The following FGF5 variants were observed in gnomAD, a reference collection of about 807,000 sequenced individuals.
The protein encoded by FGF5 is fibroblast growth factor 5.
Under a neutral mutation model 21.8 loss-of-function variants are expected in FGF5, and 23 were observed. That is an observed-to-expected ratio of 1.05 (90% confidence interval 0.76 to 1.49). The LOEUF (loss-of-function observed/expected upper bound fraction) is 1.49, where lower values mean the gene tolerates loss of function less well. Ranked by LOEUF, FGF5 falls within the 40% of genes most tolerant of loss-of-function variation. The pLI is 0.00. For missense variants in FGF5, 352 were observed against 332.9 expected (o/e 1.06, Z -0.45); for synonymous variants, 158 against 124.0 (o/e 1.27, Z -1.82).
intron 2 of FGF5, among the ~76,000 whole-genome samples, chr4:80,280,939 T>C (rs1461400569): frequency 6.6e-6 from 1 of 152,160 alleles, no homozygotes; most frequent in Non-Finnish European, 1.5e-5. Context: ...CTGAGTAATT[T>C]GAAGGCAAAT....
At chr4:80,277,371 C>A (rs969230290) in intron 2 of FGF5, among the ~76,000 whole-genome samples, 1 of 152,056 alleles carries the variant, frequency 6.6e-6, no homozygotes, top group African/African-American at 2.4e-5. Flanking sequence ...TATGTGGATT[C>A]TTTTTAAACC....
chr4:80,268,809 G>A (rs1720189345), intron 1 of FGF5, among the ~76,000 whole-genome samples: 1 of 152,214 alleles, frequency 6.6e-6, no homozygotes, highest in African/African-American at 2.4e-5. Context: ...TCACACTCCC[G>A]AGAGGAATCT....
chr4:80,288,011 T>G lies in FGF5; in HGVS notation c.*1339T>G, dbSNP rs948484947. 1 of 152,114 alleles carries G rather than the reference T, an allele frequency of 6.6e-6. No individual in the cohort carries two copies. Among genetic ancestry groups the G allele is most frequent in the African/African-American group, 2.4e-5 (1 of 41,428 alleles). The allele number at this position is 152,114 out of a possible 1,614,324, so 9.4% of individuals were successfully genotyped here. The stretch of plus-strand genomic sequence containing the variant: ...CACAGAAAATTTAACTTAAGAAAAT[T>G]TACAAAATTTATTCTCAGGTAATCA... On this transcript the variant is annotated 3_prime_UTR_variant, in exon 3 of 3. Transcript: ENST00000312465.
intron 2 of FGF5, among the ~76,000 whole-genome samples, chr4:80,279,844 T>C (rs946926775): frequency 1.3e-5 from 2 of 152,200 alleles, no homozygotes; most frequent in African/African-American, 4.8e-5. Context: ...TTTTAGGGGA[T>C]CATGTTTGAA....
At chr4:80,275,185 A>G (rs1720377525) in intron 2 of FGF5, among the ~76,000 whole-genome samples, 173 bp downstream of exon 2, 1 of 152,038 alleles carries the variant, frequency 6.6e-6, no homozygotes, top group Non-Finnish European at 1.5e-5. Flanking sequence ...GTAATAATTT[A>G]AATATTTAAT....
intron 1 of FGF5, among the ~76,000 whole-genome samples, chr4:80,267,502 C>T (rs1032469177): frequency 6.6e-6 from 1 of 152,128 alleles, no homozygotes; most frequent in African/African-American, 2.4e-5. Context: ...ACAAAAAACT[C>T]ATTTCTTCTC....
chr4:80,279,761 A>G (rs986923238), intron 2 of FGF5, among the ~76,000 whole-genome samples: 4 of 152,222 alleles, frequency 2.6e-5, no homozygotes, highest in African/African-American at 9.6e-5. Context: ...ATTGCTAATT[A>G]GGGAAAAACA....
chr4:80,271,616 A>G (rs759943171), intron 1 of FGF5, among the ~76,000 whole-genome samples: 1 of 152,160 alleles, frequency 6.6e-6, no homozygotes, highest in Non-Finnish European at 1.5e-5. Flanking sequence ...TGTCCTGACA[A>G]GAGAAAAGAG....
In FGF5 at chr4:80,266,870, C is replaced by T; in HGVS notation, c.46C>T (p.Leu16Phe). 6.2e-7 allele frequency: 1 copy of T among 1,610,676 alleles called. No homozygotes were observed. The highest frequency in any genetic ancestry group is 8.5e-7 in the Non-Finnish European group (1 of 1,178,568). The change falls in exon 1 of 3, where the codon CTC becomes TTC. Residue 16 changes from leucine to phenylalanine, a missense_variant. Coordinates refer to ENST00000312465, the MANE Select transcript of FGF5 (RefSeq NM_004464.4). ...LLLLFFSHLILSAWAHGEKRL... is the reference protein window; with the variant it reads ...LLLLFFSHLIFSAWAHGEKRL... ...CCTCCTCTTCTTCAGCCACCTGATC[C>T]TCAGCGCCTGGGCTCACGGGGAGAA...
At chr4:80,267,733 G>GTAGATAGATAGATAGA (rs3839148) in intron 1 of FGF5, among the ~76,000 whole-genome samples, 2,276 of 151,058 alleles carry the variant, frequency 0.015, 31 homozygotes, top group African/African-American at 0.031. Context: ...ATACACATAG[G>GTAGATAGATAGATAGA]TAGATAGATA....
At position 80,273,825 on chromosome 4, in the gene FGF5, G is replaced by A. The variant is rs535904944; in HGVS notation, c.356-1084G>A. Among the ~76,000 whole-genome samples, 8 of 152,132 alleles carry A rather than the reference G, an allele frequency of 5.3e-5. No individual in the cohort carries two copies. The East Asian group carries it at 1.2e-3, about 22-fold the overall frequency. On this transcript the variant is annotated intron_variant, in intron 1 of 2. Coordinates refer to ENST00000312465, the MANE Select transcript of FGF5 (RefSeq NM_004464.4). ...CTTCCAAAGTGCTGGAATTACAGGC[G>A]TGAGCTACTGCACCTGGCTTCCCTT...
rs1207241764 is a variant in FGF5, at chr4:80,288,339, A to G, written c.*1667A>G. 6.6e-6 allele frequency: 1 copy of G among 152,176 alleles called. No homozygotes were observed. 9.4% of individuals were successfully genotyped at this position (152,176 alleles called of 1,614,324 possible). ...CACACATATATATAACAAATAATAT[A>G]TTAAAAAACCCATCCATCAACTAAA... is the stretch of plus-strand genomic sequence containing the variant. On this transcript the variant is annotated 3_prime_UTR_variant, in exon 3 of 3. Transcript: ENST00000312465.
At chr4:80,279,075 G>C (rs563199728) in intron 2 of FGF5, among the ~76,000 whole-genome samples, 1 of 152,282 alleles carries the variant, frequency 6.6e-6, no homozygotes, top group South Asian at 2.1e-4. Context: ...CTTACTGAAA[G>C]TCCCCTAGAG....
Position 80,287,795 on chromosome 4 carries a change from CTCAG to C in FGF5, c.*1127_*1130del, listed in dbSNP as rs1403723863. 6.6e-6 allele frequency: 1 copy of C among 152,112 alleles called. No individual in the cohort carries two copies. The highest frequency in any genetic ancestry group is 1.5e-5 in the Non-Finnish European group (1 of 68,012). The allele number at this position is 152,112 out of a possible 1,614,324, so 9.4% of individuals were successfully genotyped here. A position where few individuals can be genotyped will look rare whatever the true frequency, so the allele number is the denominator to read the frequency against. ...CCCATTGTCAGAAATATTCTTATTA[CTCAG>C]TCAAACACTCTTTGAGCTTCCCTTC... On this transcript the variant is annotated 3_prime_UTR_variant, in exon 3 of 3. Coordinates refer to ENST00000312465, the MANE Select transcript of FGF5 (RefSeq NM_004464.4).
rs1019042188 is a variant in FGF5, at chr4:80,287,535, G to A, written c.*863G>A. ...ACACTAAGTTTGCAACATTTATTGAGATCTAAGTCTGTCTTGCCTTCATTT... is the reference window on the plus strand; with the variant it reads ...ACACTAAGTTTGCAACATTTATTGAAATCTAAGTCTGTCTTGCCTTCATTT... On this transcript the variant is annotated 3_prime_UTR_variant, in exon 3 of 3. Coordinates refer to ENST00000312465, the MANE Select transcript of FGF5 (RefSeq NM_004464.4). 6.6e-6 allele frequency: 1 copy of A among 152,142 alleles called. No homozygotes were observed. Among genetic ancestry groups the A allele is most frequent in the Non-Finnish European group, 1.5e-5 (1 of 68,016 alleles). 9.4% of individuals were successfully genotyped at this position (152,142 alleles called of 1,614,324 possible).
chr4:80,271,267 A>G lies in FGF5; in HGVS notation c.356-3642A>G, dbSNP rs1720264150. ...AGAGGACTAAGTCAAAAATCTAGAA[A>G]TATGTTTTTTTTTACGGAAGTAAGC... On this transcript the variant is annotated intron_variant, in intron 1 of 2. Coordinates refer to ENST00000312465, the MANE Select transcript of FGF5 (RefSeq NM_004464.4). Among the ~76,000 whole-genome samples the G allele has an allele frequency of 2.0e-5, 3 of 152,286 alleles. No homozygotes were observed. In the South Asian group the frequency reaches 6.2e-4, roughly 32 times the overall value.
In FGF5 at chr4:80,290,998, T is replaced by C. The variant is rs1484960551; in HGVS notation, c.*4326T>C. On this transcript the variant is annotated 3_prime_UTR_variant, in exon 3 of 3. Transcript: ENST00000312465. Reference sequence around the variant, plus strand: ...ATTGTGAATAGTGCTGCAATAAACATATGTGTGCATGTGTCTTTATAGCAG... The same window carrying C: ...ATTGTGAATAGTGCTGCAATAAACACATGTGTGCATGTGTCTTTATAGCAG... The C allele has an allele frequency of 1.3e-5, 2 of 152,202 alleles. No homozygotes were observed. Among genetic ancestry groups the C allele is most frequent in the African/African-American group, 4.8e-5 (2 of 41,444 alleles). 9.4% of individuals were successfully genotyped at this position (152,202 alleles called of 1,614,324 possible). A position where few individuals can be genotyped will look rare whatever the true frequency, so the allele number is the denominator to read the frequency against.
chr4:80,288,930 T>C lies in FGF5; in HGVS notation c.*2258T>C, dbSNP rs1720819392. ...TCATTAATTTCAAAATTTAAAGCCATGCTAAAATTAAAAAGAAAATATTAA... is the reference window on the plus strand; with the variant it reads ...TCATTAATTTCAAAATTTAAAGCCACGCTAAAATTAAAAAGAAAATATTAA... On this transcript the variant is annotated 3_prime_UTR_variant, in exon 3 of 3. Transcript: ENST00000312465. The C allele has an allele frequency of 1.3e-5, 2 of 152,396 alleles. No homozygotes were observed. Among genetic ancestry groups the C allele is most frequent in the South Asian group, 4.1e-4 (2 of 4,820 alleles). 9.4% of individuals were successfully genotyped at this position (152,396 alleles called of 1,614,324 possible). A position where few individuals can be genotyped will look rare whatever the true frequency, so the allele number is the denominator to read the frequency against.
In FGF5 at chr4:80,286,898, CAT is replaced by C; in HGVS notation, c.*228_*229del. On this transcript the variant is annotated 3_prime_UTR_variant, in exon 3 of 3. Coordinates refer to ENST00000312465, the MANE Select transcript of FGF5 (RefSeq NM_004464.4). Reference sequence around the variant, plus strand: ...AGCACACTCCTTCAGTTCAGCAAGACATAAAGCCTTTTGCTTTATGCTTGAGG... The same window carrying C: ...AGCACACTCCTTCAGTTCAGCAAGACAAAGCCTTTTGCTTTATGCTTGAGG... 1 of 465,318 alleles carries C rather than the reference CAT, an allele frequency of 2.1e-6. No homozygotes were observed. Among genetic ancestry groups the C allele is most frequent in the East Asian group, 3.1e-5 (1 of 31,810 alleles). The allele number at this position is 465,318 out of a possible 1,614,324, so 28.8% of individuals were successfully genotyped here.
Sources: gnomAD v4.1 joint callset for allele counts (sites outside exome capture counted in the v4.1 genomes callset) on GRCh38, gnomAD v4.1.1 for gene constraint, MANE v1.5 for transcripts, NCBI Gene and HGNC (gene_info 2026-07-23, HGNC 2026-07-21) for gene names.